Variants in ZNF366 observed in about 807,000 individuals in gnomAD.
ZNF366 encodes zinc finger protein 366, also known as dendritic cell-specific transcript protein.
ZNF366 carries 20 observed loss-of-function variants against 47.2 expected under a neutral mutation model. The observed-to-expected ratio is 0.42, with a 90% CI of 0.30 to 0.62. ZNF366 has a LOEUF of 0.62. Ranked by LOEUF, ZNF366 falls within the 20% of genes least tolerant of loss-of-function variation. The pLI, the probability that ZNF366 is intolerant of heterozygous loss-of-function variation, is 0.16. For synonymous variants in ZNF366, 421 were observed against 395.1 expected (o/e 1.07, Z -0.78); for missense variants, 987 against 976.3 (o/e 1.01, Z -0.15).
rs533088108 is a variant in ZNF366 at position 72,461,193 on chromosome 5, C to G, written c.304G>C (p.Glu102Gln). The G allele has an allele frequency of 6.2e-7, 1 of 1,614,128 alleles. No homozygotes were observed. The highest frequency in any genetic ancestry group is 1.7e-5 in the Admixed American group (1 of 60,012). Residue 102 changes from glutamate to glutamine, a missense_variant, in exon 2 of 5, where the codon GAG becomes CAG. Transcript: ENST00000318442. ...GGAAGGCCGTGGTTTTTGTTCTCCT[C>G]TGAGTGGAGGGCGAGGGTGACTTCT... ...AEEVTLALHS[E>Q]ENKNHGLPNL...
At chr5:72,479,442 T>TA (rs939479800) in intron 1 of ZNF366, among the ~76,000 whole-genome samples, 3 of 151,434 alleles carry the variant, frequency 2.0e-5, no homozygotes, top group African/African-American at 7.3e-5. Flanking sequence ...AAAAGAAAAA[T>TA]AAAAAAATCC....
chr5:72,495,969 T>C (rs887636943), intron 1 of ZNF366, among the ~76,000 whole-genome samples: 4 of 151,534 alleles, frequency 2.6e-5, no homozygotes, highest in Non-Finnish European at 4.4e-5. Flanking sequence ...TCTATACATA[T>C]GAAAAATACA....
chr5:72,452,479 C>A (rs1580232888), intron 3 of ZNF366, among the ~76,000 whole-genome samples: 1 of 152,180 alleles, frequency 6.6e-6, no homozygotes, highest in Admixed American at 6.5e-5. Flanking sequence ...ACTGCCTTAA[C>A]CCCCTCCATG....
chr5:72,449,376 G>T (rs946401404), intron 3 of ZNF366, among the ~76,000 whole-genome samples: 2 of 151,954 alleles, frequency 1.3e-5, no homozygotes, highest in Non-Finnish European at 2.9e-5. Flanking sequence ...CTGCCAAGTA[G>T]CTGGGACTAC....
intron 4 of ZNF366, 99 bp downstream of exon 4, chr5:72,447,144 G>T: frequency 2.2e-6 from 3 of 1,376,624 alleles, no homozygotes; most frequent in Non-Finnish European, 3.0e-6. Flanking sequence ...CTGTGGTCTT[G>T]ACAAGAATAA....
chr5:72,481,692 C>T (rs1743793108), intron 1 of ZNF366, among the ~76,000 whole-genome samples: 2 of 152,120 alleles, frequency 1.3e-5, no homozygotes, highest in Admixed American at 1.3e-4. Context: ...TTGTTTTCCA[C>T]CTGACATTAA....
chr5:72,483,316 A>G (rs1743825441), intron 1 of ZNF366, among the ~76,000 whole-genome samples: 1 of 152,214 alleles, frequency 6.6e-6, no homozygotes, highest in Non-Finnish European at 1.5e-5. Context: ...GGTGGAGACA[A>G]GAAAGCTCAC....
chr5:72,474,975 G>T (rs774447893), intron 1 of ZNF366, among the ~76,000 whole-genome samples: 22 of 152,152 alleles, frequency 1.4e-4, no homozygotes, highest in Non-Finnish European at 8.8e-5. Flanking sequence ...TAGCATAAAA[G>T]AATTGTTTCT....
chr5:72,474,881 A>T (rs1456922665), intron 1 of ZNF366, among the ~76,000 whole-genome samples: 2 of 152,236 alleles, frequency 1.3e-5, no homozygotes, highest in Non-Finnish European at 2.9e-5. Flanking sequence ...TTGAATAATA[A>T]TTCCTAATTT....
At chr5:72,497,447 G>T (rs1343305904) in intron 1 of ZNF366, among the ~76,000 whole-genome samples, 1 of 152,078 alleles carries the variant, frequency 6.6e-6, no homozygotes, top group Non-Finnish European at 1.5e-5. Context: ...CATATACTGA[G>T]AGTCCATTTC....
chr5:72,461,431 G>C lies in ZNF366; in HGVS notation c.66C>G (p.Thr22=). ...GCTGCAGGCAGTGGGGAAAGGAGGG[G>C]GTCTTCTTCACAGCCAAGTCGAAAT... ...DVHFDLAVKK[T]PSFPHCLQPV... The change falls in exon 2 of 5, where the codon ACC becomes ACG. Residue 22 remains threonine (T), a synonymous_variant. Transcript: ENST00000318442. 1.9e-6 allele frequency: 3 copies of C among 1,606,946 alleles called. No individual in the cohort carries two copies. Among genetic ancestry groups the C allele is most frequent in the East Asian group, 2.2e-5 (1 of 44,656 alleles).
At chr5:72,445,305 T>C (rs1742937160) in intron 4 of ZNF366, among the ~76,000 whole-genome samples, 1 of 151,918 alleles carries the variant, frequency 6.6e-6, no homozygotes, top group Non-Finnish European at 1.5e-5. Context: ...GGCGGGACAC[T>C]GAGGAGGAGC....
chr5:72,459,855 T>A (rs944796890), intron 2 of ZNF366, among the ~76,000 whole-genome samples: 1 of 152,192 alleles, frequency 6.6e-6, no homozygotes, highest in Non-Finnish European at 1.5e-5. Flanking sequence ...AGAAACCGAA[T>A]CTGCAAGATT....
chr5:72,503,374 A>G (rs1744253087), intron 1 of ZNF366, among the ~76,000 whole-genome samples: 1 of 152,184 alleles, frequency 6.6e-6, no homozygotes, highest in Admixed American at 6.5e-5. Flanking sequence ...ACGAGCATTT[A>G]CAGTTAATGT....
intron 1 of ZNF366, among the ~76,000 whole-genome samples, chr5:72,498,131 A>G (rs1031928870): frequency 1.3e-5 from 2 of 150,472 alleles, no homozygotes; most frequent in African/African-American, 5.0e-5. Flanking sequence ...CTGCGATTCG[A>G]AAAAAAAATA....
chr5:72,453,221 G>T (rs562704066), intron 3 of ZNF366, among the ~76,000 whole-genome samples: 4 of 152,186 alleles, frequency 2.6e-5, no homozygotes, highest in Admixed American at 1.3e-4. Context: ...TTTTAATGGT[G>T]AGAATCCCCC....
chr5:72,459,334 C>T (rs1743254705), intron 2 of ZNF366, among the ~76,000 whole-genome samples: 1 of 152,052 alleles, frequency 6.6e-6, no homozygotes, highest in Non-Finnish European at 1.5e-5. Flanking sequence ...GAGTGGGAGT[C>T]AGTGGGGGCA....
chr5:72,448,807 T>C (rs1743007018), intron 3 of ZNF366, among the ~76,000 whole-genome samples: 1 of 152,216 alleles, frequency 6.6e-6, no homozygotes, highest in Non-Finnish European at 1.5e-5. Context: ...AAAGAGTAGA[T>C]AGACCTCTCA....
intron 4 of ZNF366, 84 bp downstream of exon 4, chr5:72,447,159 C>G: frequency 6.7e-7 from 1 of 1,493,080 alleles, no homozygotes. Flanking sequence ...GAATAACCCT[C>G]AAGGTAATGC....
Sources: gnomAD v4.1 joint callset for allele counts (sites outside exome capture counted in the v4.1 genomes callset) on GRCh38, gnomAD v4.1.1 for gene constraint, MANE v1.5 for transcripts, NCBI Gene and HGNC (gene_info 2026-07-23, HGNC 2026-07-21) for gene names.